The following LUZP2 variants were observed in gnomAD, a reference collection of about 807,000 sequenced individuals.
LUZP2 encodes the protein leucine zipper protein 2.
Under a neutral mutation model 51.6 loss-of-function variants are expected in LUZP2, and 52 were observed. The ratio of observed to expected loss-of-function variants is 1.01; its 90% CI spans 0.81 to 1.27. The LOEUF (loss-of-function observed/expected upper bound fraction) is 1.27, where lower values mean the gene tolerates loss of function less well. Among genes scored for constraint, LUZP2 ranks in the 50% most tolerant of loss-of-function variants. The pLI, the probability that LUZP2 is intolerant of heterozygous loss-of-function variation, is 0.00. For missense variants in LUZP2, 436 were observed against 395.4 expected (o/e 1.10, Z -0.87); for synonymous variants, 154 against 137.3 (o/e 1.12, Z -0.85).
intron 7 of LUZP2, among the ~76,000 whole-genome samples, chr11:24,953,865 G>C (rs1855143957): frequency 6.6e-6 from 1 of 151,988 alleles, no homozygotes; most frequent in Non-Finnish European, 1.5e-5. Flanking sequence ...TGTCTAGTGA[G>C]AGAATGAGAT....
chr11:24,503,899 A>G (rs1164452454), intron 1 of LUZP2, among the ~76,000 whole-genome samples: 1 of 152,178 alleles, frequency 6.6e-6, no homozygotes, highest in Non-Finnish European at 1.5e-5. Flanking sequence ...GTTGCACCAC[A>G]TGTAATCATC....
At chr11:24,725,262 G>A (rs550738262) in intron 1 of LUZP2, among the ~76,000 whole-genome samples, 35 of 151,870 alleles carry the variant, frequency 2.3e-4, no homozygotes, top group Admixed American at 2.1e-3. Flanking sequence ...AAATGAATCC[G>A]AATACAGAAT....
chr11:24,629,170 G>C (rs1854789442), intron 1 of LUZP2, among the ~76,000 whole-genome samples: 1 of 151,412 alleles, frequency 6.6e-6, no homozygotes, highest in South Asian at 2.1e-4. Context: ...GAGCTTTAAG[G>C]GTATCCATCA....
At chr11:24,619,816 A>G (rs1854433715) in intron 1 of LUZP2, among the ~76,000 whole-genome samples, 1 of 152,170 alleles carries the variant, frequency 6.6e-6, no homozygotes, top group African/African-American at 2.4e-5. Flanking sequence ...AATAAGAAAA[A>G]AAGTCTATAC....
chr11:24,567,828 AG>A (rs1158208924), intron 1 of LUZP2, among the ~76,000 whole-genome samples: 1 of 152,168 alleles, frequency 6.6e-6, no homozygotes, highest in African/African-American at 2.4e-5. Flanking sequence ...CCTGAAAAAG[AG>A]ATCCTAAAGG....
intron 7 of LUZP2, among the ~76,000 whole-genome samples, chr11:24,926,356 CGTGTGT>C (rs1854250134): frequency 1.2e-4 from 2 of 17,380 alleles, no homozygotes; most frequent in East Asian, 4.9e-3. Flanking sequence ...TATATATATA[CGTGTGT>C]ATATATATAT....
At chr11:24,532,753 T>C (rs978926506) in intron 1 of LUZP2, among the ~76,000 whole-genome samples, 1 of 151,056 alleles carries the variant, frequency 6.6e-6, no homozygotes, top group African/African-American at 2.4e-5. Context: ...ATAGAGGACC[T>C]GACTCTGTTC....
intron 1 of LUZP2, among the ~76,000 whole-genome samples, chr11:24,545,678 G>T (rs116588064): frequency 0.16 from 23,612 of 146,990 alleles, 2,029 homozygotes; most frequent in African/African-American, 0.22. Flanking sequence ...ATGCTGTTTT[G>T]GTTGCTGTAG....
intron 5 of LUZP2, among the ~76,000 whole-genome samples, chr11:24,782,772 A>T (rs1382581590): frequency 6.6e-6 from 1 of 152,052 alleles, no homozygotes; most frequent in African/African-American, 2.4e-5. Context: ...CTCATCAAAA[A>T]GGAAATAAAA....
intron 1 of LUZP2, among the ~76,000 whole-genome samples, chr11:24,574,394 ATCTC>A (rs139446364): frequency 2.9e-5 from 4 of 138,820 alleles, no homozygotes; most frequent in Non-Finnish European, 6.1e-5. Flanking sequence ...TCTTTCTTTC[ATCTC>A]TCTCTCTCTC....
At chr11:24,741,439 T>C (rs1202425396) in intron 4 of LUZP2, among the ~76,000 whole-genome samples, 2 of 151,966 alleles carry the variant, frequency 1.3e-5, no homozygotes, top group African/African-American at 4.8e-5. Context: ...TTTCCATAGG[T>C]CATTAGGGTA....
At chr11:24,684,585 T>C (rs1031545756) in intron 1 of LUZP2, among the ~76,000 whole-genome samples, 2 of 152,174 alleles carry the variant, frequency 1.3e-5, no homozygotes, top group Admixed American at 6.5e-5. Flanking sequence ...GCTGAAGCCA[T>C]AGGAACCAAA....
chr11:24,920,844 A>G (rs1271232128), intron 7 of LUZP2, among the ~76,000 whole-genome samples: 1 of 152,160 alleles, frequency 6.6e-6, no homozygotes, highest in Non-Finnish European at 1.5e-5. Context: ...AATGTGTATC[A>G]TGTACATTAT....
At chr11:24,580,798 A>G (rs1852825270) in intron 1 of LUZP2, among the ~76,000 whole-genome samples, 1 of 152,150 alleles carries the variant, frequency 6.6e-6, no homozygotes, top group African/African-American at 2.4e-5. Flanking sequence ...GGCATTCATC[A>G]ATATACTATA....
intron 1 of LUZP2, among the ~76,000 whole-genome samples, chr11:24,728,349 G>A (rs191988936): frequency 7.8e-4 from 119 of 151,868 alleles, no homozygotes; most frequent in African/African-American, 2.8e-3. Context: ...TACAGATACA[G>A]TATACTATTA....
At position 24,729,192 on chromosome 11, in the gene LUZP2, A is replaced by G; in HGVS notation, c.86A>G (p.Lys29Arg). 6.4e-7 allele frequency: 1 copy of G among 1,572,784 alleles called. No homozygotes were observed. Among genetic ancestry groups the G allele is most frequent in the Non-Finnish European group, 8.7e-7 (1 of 1,152,448 alleles). The change falls in exon 2 of 12, where the codon AAG (lysine) becomes AGG (arginine). Residue 29 changes from lysine to arginine, a missense_variant. Transcript: ENST00000336930. The part of the protein sequence containing the change: ...STRQDYEELE[K>R]QLKEVFKERS... Reference sequence around the variant, plus strand: ...AGACAGGACTATGAAGAGCTAGAAAAGCAGCTGAAAGAAGTCTTTAAGGAG... The same window carrying G: ...AGACAGGACTATGAAGAGCTAGAAAGGCAGCTGAAAGAAGTCTTTAAGGAG...
At chr11:25,038,098 A>AAG (rs1857920559) in intron 9 of LUZP2, among the ~76,000 whole-genome samples, 1 of 151,948 alleles carries the variant, frequency 6.6e-6, no homozygotes, top group South Asian at 2.1e-4. Flanking sequence ...ATTATTAAAC[A>AAG]TATTGTCCAA....
Position 24,753,315 on chromosome 11 carries a change from G to A in LUZP2, c.334-9931G>A, listed in dbSNP as rs545762761. ...GGGAAGGGGCAAGAAGCTTCCATGCGCTCGCTGGACATGCCACCCTTCAGT... is the reference window on the plus strand; with the variant it reads ...GGGAAGGGGCAAGAAGCTTCCATGCACTCGCTGGACATGCCACCCTTCAGT... On this transcript the variant is annotated intron_variant, in intron 4 of 11. Transcript: ENST00000336930. Among the ~76,000 whole-genome samples, 17 of 152,234 alleles carry A rather than the reference G, an allele frequency of 1.1e-4. No homozygotes were observed. In the Middle Eastern group the frequency reaches 0.01, roughly 91 times the overall value.
At chr11:24,938,090 AATTT>A (rs1854642095) in intron 7 of LUZP2, among the ~76,000 whole-genome samples, 1 of 152,046 alleles carries the variant, frequency 6.6e-6, no homozygotes, top group African/African-American at 2.4e-5. Context: ...GTATTTGTTT[AATTT>A]ATTTATTAAT....
Sources: gnomAD v4.1 joint callset for allele counts (sites outside exome capture counted in the v4.1 genomes callset) on GRCh38, gnomAD v4.1.1 for gene constraint, MANE v1.5 for transcripts, NCBI Gene and HGNC (gene_info 2026-07-23, HGNC 2026-07-21) for gene names.